FOCAD: variants seen among roughly 807,000 people sequenced by gnomAD.
FOCAD encodes KIAA1797.
Under a neutral mutation model 225.6 loss-of-function variants are expected in FOCAD, and 198 were observed. The observed-to-expected ratio is 0.88, with a 90% confidence interval of 0.78 to 0.99. The LOEUF is 0.99. Ranked by LOEUF, FOCAD falls within the 50% of genes least tolerant of loss-of-function variation. The pLI is 0.00. For missense variants in FOCAD, 2,713 were observed against 2,123.6 expected (o/e 1.28, Z -5.46); for synonymous variants, 897 against 755.0 (o/e 1.19, Z -3.08).
Position 20,912,900 on chromosome 9 carries a change from A to G in FOCAD, c.2753A>G (p.His918Arg), listed in dbSNP as rs776874602. The G allele has an allele frequency of 1.9e-6, 3 of 1,613,414 alleles. No individual in the cohort carries two copies. Among genetic ancestry groups the G allele is most frequent in the Non-Finnish European group, 2.5e-6 (3 of 1,179,604 alleles). ...GGAGAGCTGGAGTTGCAGTTAAAAC[A>G]TGGAAAAGAAGAACCTGAGGAGGTG... is the stretch of plus-strand genomic sequence containing the variant. ...RLGELELQLK[H>R]GKEEPEEVQY... The change falls in exon 23 of 44, where the codon CAT (histidine) becomes CGT (arginine). Residue 918 changes from histidine (H) to arginine (R), a missense_variant. Physicochemically the swap from His to Arg is conservative, Grantham distance 29 (BLOSUM62 0). Transcript: ENST00000338382.
rs555659764 is a variant in FOCAD, at chr9:20,730,031, A to G, written c.287+9497A>G. 1.3e-4 allele frequency among the ~76,000 whole-genome samples: 20 copies of G among 152,326 alleles called. 1 individual carries two copies. The South Asian group carries it at 3.5e-3, about 27-fold the overall frequency. On this transcript the variant is annotated intron_variant, in intron 4 of 43. Coordinates refer to ENST00000338382, the MANE Select transcript of FOCAD (RefSeq NM_001375567.1). ...GGGAAGAGGGTTAAGGAAGAAAACT[A>G]GCCTTTCTTGAATATAAACTGTGTG...
At position 20,775,314 on chromosome 9, in the gene FOCAD, C is replaced by T. The variant is rs140535292; in HGVS notation, c.907-3367C>T. On this transcript the variant is annotated intron_variant, in intron 8 of 43. Transcript: ENST00000338382. ...AGCAAAATTAGGCAAAAATGATGCTCACTGGGAGGAGATTGGGTAGCTCTC... is the reference window on the plus strand; with the variant it reads ...AGCAAAATTAGGCAAAAATGATGCTTACTGGGAGGAGATTGGGTAGCTCTC... Among the ~76,000 whole-genome samples, 512 of 152,266 alleles carry T rather than the reference C, an allele frequency of 3.4e-3. 3 individuals are homozygous for T. Among genetic ancestry groups the T allele is most frequent in the African/African-American group, 9.3e-3 (388 of 41,542 alleles).
In FOCAD at chr9:20,789,336, G is replaced by A. The variant is rs375080683; in HGVS notation, c.1198-15G>A. 68 of 1,605,194 alleles carry A rather than the reference G, an allele frequency of 4.2e-5. No individual in the cohort carries two copies. Among genetic ancestry groups the A allele is most frequent in the African/African-American group, 1.7e-4 (13 of 74,834 alleles). On this transcript the variant is annotated splice_polypyrimidine_tract_variant and intron_variant, in intron 10 of 43. Transcript: ENST00000338382. ...TATCTCACTTATTTATGCCTCTCTT[G>A]TCTTTATTTTTCAGCTCTCCTACAA...
rs1017966058 is a variant in FOCAD, at chr9:20,715,366, A to G, written c.13A>G (p.Ile5Val). 6 of 1,529,028 alleles carry G rather than the reference A, an allele frequency of 3.9e-6. No individual in the cohort carries two copies. Among genetic ancestry groups the G allele is most frequent in the African/African-American group, 2.7e-5 (2 of 72,958 alleles). 94.7% of individuals were successfully genotyped at this position (1,529,028 alleles called of 1,614,324 possible). Residue 5 changes from isoleucine (I) to valine (V), a missense_variant, in exon 2 of 44, where the codon ATC becomes GTC. Coordinates refer to ENST00000338382, the MANE Select transcript of FOCAD (RefSeq NM_001375567.1). ...AAGAGAAGCAAAAATGTCAGATGAT[A>G]TCAGGAAAAGGTTTGAATTTCCAAA... is the stretch of plus-strand genomic sequence containing the variant. MSDD[I>V]RKRFEFPNSL...
chr9:20,843,490 A>G (rs1290673062), intron 15 of FOCAD, among the ~76,000 whole-genome samples: 1 of 151,930 alleles, frequency 6.6e-6, no homozygotes, highest in Admixed American at 6.6e-5. Flanking sequence ...GAACGATTTT[A>G]TATGTTATTT....
chr9:20,675,318 A>G (rs772508286), intron 2 of FOCAD, among the ~76,000 whole-genome samples: 10 of 152,250 alleles, frequency 6.6e-5, no homozygotes, highest in Admixed American at 6.5e-5. Flanking sequence ...AATATATACC[A>G]GAGCATAGCC....
chr9:20,980,628 T>A (rs186504076), intron 37 of FOCAD, among the ~76,000 whole-genome samples: 1 of 152,344 alleles, frequency 6.6e-6, no homozygotes, highest in African/African-American at 2.4e-5. Context: ...CAGAAAACAT[T>A]GTTCCTCTGT....
At chr9:20,658,994 T>A (rs1587165050) in intron 2 of FOCAD, among the ~76,000 whole-genome samples, 1 of 151,824 alleles carries the variant, frequency 6.6e-6, no homozygotes, top group African/African-American at 2.4e-5. Context: ...CTGAGGTGGG[T>A]GATTGCCTGA....
Position 20,806,798 on chromosome 9 carries a change from A to G in FOCAD, c.1456-12998A>G, listed in dbSNP as rs10964713. Among the ~76,000 whole-genome samples the G allele has an allele frequency of 7.6e-3, 1,163 of 152,286 alleles. 16 individuals are homozygous for G. The highest frequency in any genetic ancestry group is 0.027 in the African/African-American group (1,129 of 41,558). On this transcript the variant is annotated intron_variant, in intron 11 of 43. Transcript: ENST00000338382. Reference sequence around the variant, plus strand: ...ATGATTATAGTGGAATTTATTTGTAACAGGATTTAGCCTATACTTGTTAAT... The same window carrying G: ...ATGATTATAGTGGAATTTATTTGTAGCAGGATTTAGCCTATACTTGTTAAT...
chr9:20,671,529 T>C (rs917232034), intron 2 of FOCAD, among the ~76,000 whole-genome samples: 2 of 152,158 alleles, frequency 1.3e-5, no homozygotes, highest in Non-Finnish European at 2.9e-5. Context: ...GTGTATATGG[T>C]GACTGTTCAG....
chr9:20,803,426 A>G (rs545882251), intron 11 of FOCAD, among the ~76,000 whole-genome samples: 36 of 152,262 alleles, frequency 2.4e-4, no homozygotes, highest in African/African-American at 7.0e-4. Context: ...AAAAGGGAGT[A>G]ATGGTCTGCT....
chr9:20,913,025 T>G, intron 23 of FOCAD, 71 bp downstream of exon 23: 1 of 1,264,066 alleles, frequency 7.9e-7, no homozygotes, highest in Non-Finnish European at 1.1e-6. Context: ...GTAACTACTT[T>G]AAAGGCTTTA....
intron 23 of FOCAD, among the ~76,000 whole-genome samples, chr9:20,915,448 A>C (rs1355616033): frequency 2.6e-5 from 4 of 152,206 alleles, no homozygotes. Context: ...AGGAGCAACC[A>C]ACTGTGTCAA....
At position 20,687,699 on chromosome 9, in the gene FOCAD, T is replaced by C. The variant is rs187075529; in HGVS notation, c.-33+3406T>C. Among the ~76,000 whole-genome samples, 135 of 152,362 alleles carry C rather than the reference T, an allele frequency of 8.9e-4. 1 individual carries two copies. Among genetic ancestry groups the C allele is most frequent in the African/African-American group, 3.1e-3 (127 of 41,582 alleles). On this transcript the variant is annotated intron_variant, in intron 1 of 43. Coordinates refer to ENST00000338382, the MANE Select transcript of FOCAD (RefSeq NM_001375567.1). ...ATAGTTATTAAAGGTATTGTATTCA[T>C]TATTTTTTATTTATTCCTTCATTCA...
At chr9:20,994,305 G>A (rs1214934066) in intron 43 of FOCAD, among the ~76,000 whole-genome samples, 1 of 152,208 alleles carries the variant, frequency 6.6e-6, no homozygotes, top group South Asian at 2.1e-4. Flanking sequence ...ATTTTACTCA[G>A]ATCTGAGAAG....
chr9:20,777,306 T>G (rs1333789223), intron 8 of FOCAD, among the ~76,000 whole-genome samples: 34 of 25,008 alleles, frequency 1.4e-3, no homozygotes, highest in Admixed American at 0.011. Context: ...TCCTGTGGGT[T>G]TTTTTTTTTT....
chr9:20,889,974 A>T (rs953821004), intron 21 of FOCAD, among the ~76,000 whole-genome samples: 11 of 152,122 alleles, frequency 7.2e-5, no homozygotes, highest in Non-Finnish European at 1.5e-4. Flanking sequence ...ATGCTATTCA[A>T]ATTGGACTTT....
intron 35 of FOCAD, among the ~76,000 whole-genome samples, chr9:20,975,725 G>A (rs1006661102): frequency 1.3e-5 from 2 of 152,166 alleles, no homozygotes; most frequent in Non-Finnish European, 2.9e-5. Flanking sequence ...GCAAGTGAAA[G>A]AATGAAATCA....
intron 35 of FOCAD, among the ~76,000 whole-genome samples, chr9:20,953,724 A>G (rs1334025134): frequency 6.6e-6 from 1 of 152,198 alleles, no homozygotes; most frequent in Non-Finnish European, 1.5e-5. Context: ...TTAGAACTGA[A>G]CATGTCATGG....
Sources: allele counts gnomAD v4.1 joint callset (sites outside exome capture counted in the v4.1 genomes callset), GRCh38; gene constraint gnomAD v4.1.1; transcripts MANE v1.5; gene names NCBI Gene and HGNC (gene_info 2026-07-23, HGNC 2026-07-21).